Variants in MEAK7 observed in about 807,000 individuals in gnomAD.
MEAK7 encodes the protein MTOR associated protein MEAK7.
Under a neutral mutation model 40.5 loss-of-function variants are expected in MEAK7, and 68 were observed. The observed-to-expected ratio is 1.68, with a 90% CI of 1.38 to 2.06. The LOEUF is 2.06. MEAK7 is among the 30% of genes most tolerant of loss of function. The pLI is 0.00. For missense variants in MEAK7, 918 were observed against 580.5 expected (o/e 1.58, Z -5.98); for synonymous variants, 338 against 231.9 (o/e 1.46, Z -4.16).
chr16:84,481,850 C>T (rs1485473295), intron 6 of MEAK7, among the ~76,000 whole-genome samples: 3 of 152,064 alleles, frequency 2.0e-5, no homozygotes, highest in Non-Finnish European at 4.4e-5. Context: ...AGGAGAATGG[C>T]GTGAACCTGG....
intron 7 of MEAK7, 29 bp from the exon 8 acceptor site, chr16:84,480,055 T>G: frequency 6.5e-7 from 1 of 1,535,490 alleles, no homozygotes; most frequent in Non-Finnish European, 8.9e-7. Flanking sequence ...GGTGGGTGTG[T>G]TCCATGATGG....
chr16:84,486,737 G>C lies in MEAK7; in HGVS notation c.852C>G (p.Gly284=). 6.2e-7 allele frequency: 1 copy of C among 1,614,016 alleles called. No individual in the cohort carries two copies. Among genetic ancestry groups the C allele is most frequent in the Non-Finnish European group, 8.5e-7 (1 of 1,179,878 alleles). ...LHGHSFSQLC[G]HITHRGPCVA... ...CACAGGGTCCCCGGTGAGTGATGTG[G>C]CCACAGAGCTGGGAGAAGCTGTGTC... Residue 284 remains glycine, a synonymous_variant, in exon 5 of 8, where the codon GGC becomes GGG. Transcript: ENST00000343629.
intron 3 of MEAK7, among the ~76,000 whole-genome samples, chr16:84,491,793 C>T (rs368549418): frequency 3.4e-5 from 5 of 146,038 alleles, no homozygotes; most frequent in Admixed American, 2.1e-4. Context: ...ACTGAGATCG[C>T]GCCACTGCAC....
At chr16:84,485,987 ATT>A (rs34909877) in intron 5 of MEAK7, 139 of 104,326 alleles carry the variant, frequency 1.3e-3, no homozygotes, top group Non-Finnish European at 1.4e-3. Context: ...CAGCCTTATT[ATT>A]TTTTTTTTTT....
chr16:84,481,793 G>C (rs1322704184), intron 6 of MEAK7, among the ~76,000 whole-genome samples: 2 of 152,116 alleles, frequency 1.3e-5, no homozygotes, highest in Admixed American at 6.6e-5. Flanking sequence ...AATTAGCCAG[G>C]CGTGATAGCG....
chr16:84,502,496 G>A (rs1238522873), intron 1 of MEAK7, among the ~76,000 whole-genome samples: 1 of 152,068 alleles, frequency 6.6e-6, no homozygotes, highest in Non-Finnish European at 1.5e-5. Context: ...GAAGTCTCGA[G>A]GCCAATGTAG....
intron 3 of MEAK7, among the ~76,000 whole-genome samples, chr16:84,490,443 CTTTTTTTTTTTTTTTTTTTTTT>C (rs770073812): frequency 3.2e-5 from 3 of 93,886 alleles, no homozygotes; most frequent in Non-Finnish European, 1.9e-5. Flanking sequence ...TCTGCCCCGC[CTTTTTTTTTTTTTTTTTTTTTT>C]TTTTTTTTTT....
intron 4 of MEAK7, chr16:84,488,028 G>A (rs1327012904): frequency 6.6e-6 from 1 of 152,168 alleles, no homozygotes; most frequent in Non-Finnish European, 1.5e-5. Flanking sequence ...TATTAAGCAG[G>A]AAATGTAAAA....
intron 1 of MEAK7, among the ~76,000 whole-genome samples, chr16:84,503,420 AT>A (rs1473906416): frequency 1.3e-5 from 2 of 151,994 alleles, no homozygotes; most frequent in African/African-American, 2.4e-5. Flanking sequence ...CCATCCACTG[AT>A]CCCCACCCTG....
chr16:84,494,685 C>A, intron 3 of MEAK7: 1 of 364,974 alleles, frequency 2.7e-6, no homozygotes, highest in Non-Finnish European at 5.4e-6. Context: ...ATTTTTTCTT[C>A]ACGGGACATG....
At chr16:84,502,933 G>C (rs1016382868) in intron 1 of MEAK7, 2 of 152,270 alleles carry the variant, frequency 1.3e-5, no homozygotes, top group Middle Eastern at 3.4e-3. Flanking sequence ...TGCTTGACCA[G>C]ACTTTAGTCA....
Position 84,479,907 on chromosome 16 carries a change from G to T in MEAK7, c.*6C>A, listed in dbSNP as rs372912159. 2 of 1,588,448 alleles carry T rather than the reference G, an allele frequency of 1.3e-6. No individual in the cohort carries two copies. The highest frequency in any genetic ancestry group is 1.7e-6 in the Non-Finnish European group (2 of 1,162,794). On this transcript the variant is annotated 3_prime_UTR_variant, in exon 8 of 8. Coordinates refer to ENST00000343629, the MANE Select transcript of MEAK7 (RefSeq NM_020947.4). ...GTCCTGGCTCCAGGAAGGCTCAGGC[G>T]GCTCCTCATTCATCGTCCGGGACTT...
At chr16:84,492,210 T>C (rs1042660835) in intron 3 of MEAK7, among the ~76,000 whole-genome samples, 1 of 152,208 alleles carries the variant, frequency 6.6e-6, no homozygotes, top group African/African-American at 2.4e-5. Context: ...AATATTAATA[T>C]CAAACATACA....
intron 5 of MEAK7, among the ~76,000 whole-genome samples, chr16:84,483,956 G>C (rs996879479): frequency 6.6e-6 from 1 of 152,202 alleles, no homozygotes; most frequent in South Asian, 2.1e-4. Context: ...ACTCAGGCTT[G>C]CTTCACTGGG....
chr16:84,494,193 ATAAT>A (rs1393302401), intron 3 of MEAK7, among the ~76,000 whole-genome samples: 4 of 152,248 alleles, frequency 2.6e-5, no homozygotes, highest in Admixed American at 2.6e-4. Flanking sequence ...CAAGCTAAGT[ATAAT>A]TAGACTACAA....
intron 2 of MEAK7, chr16:84,497,695 C>T (rs759323912): frequency 1.0e-5 from 15 of 1,449,414 alleles, no homozygotes; most frequent in East Asian, 2.6e-5. Context: ...GGGAGGGATG[C>T]GTTTAGACAC....
chr16:84,492,582 T>TTTATTTATTTA (rs1913715574), intron 3 of MEAK7, among the ~76,000 whole-genome samples: 1 of 151,200 alleles, frequency 6.6e-6, no homozygotes, highest in African/African-American at 2.4e-5. Flanking sequence ...TATTTATTTA[T>TTTATTTATTTA]TTATTTATTT....
rs947027957 is a variant in MEAK7, at chr16:84,477,566, T to A, written c.*2347A>T. 1 of 134,086 alleles carries A rather than the reference T, an allele frequency of 7.5e-6. No individual in the cohort carries two copies. The highest frequency in any genetic ancestry group is 4.2e-3 in the Middle Eastern group (1 of 236). 8.3% of individuals were successfully genotyped at this position (134,086 alleles called of 1,614,324 possible). A position where few individuals can be genotyped will look rare whatever the true frequency, so the allele number is the denominator to read the frequency against. ...AATGTGGCAATCATTTATAATAGTT[T>A]GCAACGCGGACAAATTTTTTTTTTA... On this transcript the variant is annotated 3_prime_UTR_variant, in exon 8 of 8. Coordinates refer to ENST00000343629, the MANE Select transcript of MEAK7 (RefSeq NM_020947.4).
chr16:84,486,516 A>G (rs1913070022), intron 5 of MEAK7, 115 bp downstream of exon 5: 2 of 1,468,288 alleles, frequency 1.4e-6, no homozygotes, highest in Non-Finnish European at 1.8e-6. Flanking sequence ...CTGCGTCTAG[A>G]GAAACACTTG....
Sources: allele counts gnomAD v4.1 joint callset (sites outside exome capture counted in the v4.1 genomes callset), GRCh38; gene constraint gnomAD v4.1.1; transcripts MANE v1.5; gene names NCBI Gene and HGNC (gene_info 2026-07-23, HGNC 2026-07-21).